The following SEPTIN10 variants were observed in gnomAD, a reference collection of about 807,000 sequenced individuals.
SEPTIN10 encodes septin-10.
A neutral mutation model predicts 54.8 loss-of-function variants in SEPTIN10; 66 were observed. The observed-to-expected ratio is 1.21, with a 90% CI of 0.99 to 1.48. The LOEUF is 1.48. SEPTIN10 is among the 40% of genes most tolerant of loss of function. The pLI is 0.00. For synonymous variants in SEPTIN10, 161 were observed against 181.0 expected (o/e 0.89, Z 0.89); for missense variants, 620 against 545.6 (o/e 1.14, Z -1.36).
At chr2:109,563,067 T>A (rs984017030) in intron 8 of SEPTIN10, among the ~76,000 whole-genome samples, 1 of 152,120 alleles carries the variant, frequency 6.6e-6, no homozygotes, top group Non-Finnish European at 1.5e-5. Flanking sequence ...TGTGCCACCA[T>A]ACCCAGCTAA....
At position 109,574,196 on chromosome 2, in the gene SEPTIN10, C is replaced by G. The variant is rs546875931; in HGVS notation, c.600+385G>C. On this transcript the variant is annotated intron_variant, in intron 5 of 10. Transcript: ENST00000397712. ...GCTCATGCCTGTAGTTCTAGCACTT[C>G]AAGAGACCAAGGAAGGAAAATCACT... is the stretch of plus-strand genomic sequence containing the variant. Among the ~76,000 whole-genome samples the G allele has an allele frequency of 4.0e-5, 6 of 151,562 alleles. 1 individual carries two copies. Among genetic ancestry groups the G allele is most frequent in the African/African-American group, 1.5e-4 (6 of 41,292 alleles).
At chr2:109,554,369 T>G (rs1683851165) in intron 8 of SEPTIN10, among the ~76,000 whole-genome samples, 1 of 152,230 alleles carries the variant, frequency 6.6e-6, no homozygotes, top group Admixed American at 6.5e-5. Flanking sequence ...ATACAATACA[T>G]TTTTATGTTA....
At chr2:109,591,248 T>C (rs1445969747) in intron 2 of SEPTIN10, among the ~76,000 whole-genome samples, 1 of 152,244 alleles carries the variant, frequency 6.6e-6, no homozygotes, top group African/African-American at 2.4e-5. Flanking sequence ...GATAGGCATA[T>C]GCTTATTACA....
In SEPTIN10 at chr2:109,546,557, A is replaced by C. The variant is rs185106440; in HGVS notation, c.1162-320T>G. On this transcript the variant is annotated intron_variant, in intron 9 of 10. Transcript: ENST00000397712. ...CTACAAAACTTCTTAAAGTCTCTCA[A>C]GTCCATGCTCAATAAAAATAAGAGA... Among the ~76,000 whole-genome samples, 532 of 152,196 alleles carry C rather than the reference A, an allele frequency of 3.5e-3. 5 individuals are homozygous for C. The highest frequency in any genetic ancestry group is 0.012 in the African/African-American group (514 of 41,520).
At position 109,546,195 on chromosome 2, in the gene SEPTIN10, C is replaced by T. The variant is rs1376002315; in HGVS notation, c.1204G>A (p.Glu402Lys). The T allele has an allele frequency of 6.2e-7, 1 of 1,604,624 alleles. No homozygotes were observed. ...CTCTTTTCTTCAAGCTTCATTCTCT[C>T]TTCTTGGTGAAGTCTCTTAAGGTGC... ...FEHLKRLHQE[E>K]RMKLEEKRRL... Residue 402 changes from glutamate (E) to lysine (K), a missense_variant, in exon 10 of 11, where the codon GAG (glutamate) becomes AAG (lysine). Physicochemically the swap from Glu to Lys is moderately conservative, Grantham distance 56. Coordinates refer to ENST00000397712, the MANE Select transcript of SEPTIN10 (RefSeq NM_144710.5).
Position 109,553,171 on chromosome 2 carries a change from A to C in SEPTIN10, c.1077T>G (p.Arg359=). 6.2e-7 allele frequency: 1 copy of C among 1,614,100 alleles called. No individual in the cohort carries two copies. The highest frequency in any genetic ancestry group is 8.5e-7 in the Non-Finnish European group (1 of 1,180,004). The change falls in exon 9 of 11, where the codon CGT becomes CGG. Residue 359 remains arginine, a synonymous_variant. Transcript: ENST00000397712. ...GTTTCATTTCTTCTTCCTTCCTCTG[A>C]CGTTCACCATGGAACTCATGTCTTT... is the stretch of plus-strand genomic sequence containing the variant. ...EAKRHEFHGE[R]QRKEEEMKQM... is the part of the protein sequence containing the mutation.
chr2:109,547,733 C>T (rs553221946), intron 9 of SEPTIN10, among the ~76,000 whole-genome samples: 1 of 152,296 alleles, frequency 6.6e-6, no homozygotes, highest in East Asian at 1.9e-4. Flanking sequence ...AAAAAGGAAG[C>T]TTTAAAACAA....
intron 8 of SEPTIN10, among the ~76,000 whole-genome samples, chr2:109,562,425 A>G (rs908702904): frequency 2.0e-5 from 3 of 149,384 alleles, no homozygotes; most frequent in Non-Finnish European, 4.5e-5. Context: ...ACCCCTCAAC[A>G]GAGACTCTAC....
At chr2:109,611,150 C>T (rs1699174190) in intron 1 of SEPTIN10, among the ~76,000 whole-genome samples, 1 of 152,174 alleles carries the variant, frequency 6.6e-6, no homozygotes, top group Non-Finnish European at 1.5e-5. Context: ...AAAAATGGCC[C>T]TCAACTTAAG....
At chr2:109,604,202 G>C (rs1697344510) in intron 1 of SEPTIN10, among the ~76,000 whole-genome samples, 2 of 149,566 alleles carry the variant, frequency 1.3e-5, no homozygotes, top group South Asian at 4.3e-4. Context: ...AAATTAGCCA[G>C]GTGTGGTGGT....
At chr2:109,570,792 G>A (rs1451350701) in intron 5 of SEPTIN10, among the ~76,000 whole-genome samples, 1 of 152,088 alleles carries the variant, frequency 6.6e-6, no homozygotes, top group East Asian at 1.9e-4. Context: ...AAAGTGCTGG[G>A]ATTACAAGCA....
chr2:109,566,809 T>G (rs1168227801), intron 6 of SEPTIN10, among the ~76,000 whole-genome samples: 1 of 152,068 alleles, frequency 6.6e-6, no homozygotes, highest in African/African-American at 2.4e-5. Context: ...GGGCAGGGAG[T>G]AGACTGGTCT....
intron 5 of SEPTIN10, among the ~76,000 whole-genome samples, chr2:109,569,305 C>T (rs1687800951): frequency 6.6e-6 from 1 of 151,962 alleles, no homozygotes; most frequent in Non-Finnish European, 1.5e-5. Flanking sequence ...GTGGCACATG[C>T]CTGTAATCCC....
chr2:109,588,337 G>T (rs1475939096), intron 2 of SEPTIN10, among the ~76,000 whole-genome samples: 1 of 151,816 alleles, frequency 6.6e-6, no homozygotes, highest in Non-Finnish European at 1.5e-5. Context: ...TGTAAGAGAG[G>T]TTTTTTTTAA....
intron 6 of SEPTIN10, 135 bp downstream of exon 6, chr2:109,567,680 G>T: frequency 2.4e-6 from 2 of 824,672 alleles, no homozygotes; most frequent in Non-Finnish European, 3.6e-6. Context: ...TCTCATACTG[G>T]ACTTTTTGAA....
chr2:109,587,847 A>G (rs1217830439), intron 2 of SEPTIN10, among the ~76,000 whole-genome samples: 2 of 151,782 alleles, frequency 1.3e-5, no homozygotes, highest in Non-Finnish European at 2.9e-5. Flanking sequence ...TGGGAGGTGG[A>G]GGTTGCAGTG....
rs557989965 is a variant in SEPTIN10, at chr2:109,564,450, T to C, written c.944A>G (p.His315Arg). 6.2e-6 allele frequency: 10 copies of C among 1,600,292 alleles called. No homozygotes were observed. The highest frequency in any genetic ancestry group is 2.7e-5 in the African/African-American group (2 of 74,884). The change falls in exon 8 of 11, where the codon CAT becomes CGT. Residue 315 changes from histidine to arginine, a missense_variant. Coordinates refer to ENST00000397712, the MANE Select transcript of SEPTIN10 (RefSeq NM_144710.5). ...TNMEDLREQT[H>R]TRHYELYRRC... ...CCTGTAAAGCTCATAGTGCCTGGTA[T>C]GGGTCTGCTCTCGCAGGTCCTCCAT...
rs773081171 is a variant in SEPTIN10, at chr2:109,564,483, C to A, written c.911G>T (p.Cys304Phe). 1 of 1,576,270 alleles carries A rather than the reference C, an allele frequency of 6.3e-7. No homozygotes were observed. Residue 304 changes from cysteine to phenylalanine, a missense_variant, in exon 8 of 11, where the codon TGT becomes TTT. Cys to Phe is a radical substitution (Grantham distance 205). Transcript: ENST00000397712. ...CTCTCGCAGGTCCTCCATATTTGTA[C>A]AAATGAGCATTTCCCGCAGCTTTAC... ...DFVKLREMLICTNMEDLREQT... is the reference protein window; with the variant it reads ...DFVKLREMLIFTNMEDLREQT...
intron 2 of SEPTIN10, among the ~76,000 whole-genome samples, chr2:109,589,995 A>C (rs980215225): frequency 6.6e-6 from 1 of 151,460 alleles, no homozygotes; most frequent in African/African-American, 2.4e-5. Context: ...CATTATGTGC[A>C]TTTTTCACAT....
Sources: gnomAD v4.1 joint callset for allele counts (sites outside exome capture counted in the v4.1 genomes callset) on GRCh38, gnomAD v4.1.1 for gene constraint, MANE v1.5 for transcripts, NCBI Gene and HGNC (gene_info 2026-07-23, HGNC 2026-07-21) for gene names.